Variants in AP1S3 observed in about 807,000 individuals in gnomAD.
AP1S3 encodes the protein AP-1 complex subunit sigma-3.
A neutral mutation model predicts 20.9 loss-of-function variants in AP1S3; 10 were observed. The ratio of observed to expected loss-of-function variants is 0.48; its 90% CI spans 0.29 to 0.81. The LOEUF (loss-of-function observed/expected upper bound fraction) is 0.81. AP1S3 is among the 30% of genes least tolerant of loss of function. The pLI, the probability that AP1S3 is intolerant of heterozygous loss-of-function variation, is 0.08. For synonymous variants in AP1S3, 41 were observed against 61.5 expected (o/e 0.67, Z 1.56); for missense variants, 154 against 183.8 (o/e 0.84, Z 0.94).
chr2:223,773,377 C>T (rs1485974385), intron 3 of AP1S3: 2 of 1,301,520 alleles, frequency 1.5e-6, no homozygotes, highest in Non-Finnish European at 2.0e-6. Context: ...AAGGAAAGTA[C>T]AAAAATGTGA....
chr2:223,788,550 G>A (rs1157316319), intron 1 of AP1S3, among the ~76,000 whole-genome samples: 1 of 147,058 alleles, frequency 6.8e-6, no homozygotes, highest in African/African-American at 2.5e-5. Context: ...TCAGGAGATC[G>A]AGACCATCCT....
At position 223,775,901 on chromosome 2, in the gene AP1S3, A is replaced by G; in HGVS notation, c.291T>C (p.Asn97=). 6.2e-7 allele frequency: 1 copy of G among 1,613,456 alleles called. No homozygotes were observed. The highest frequency in any genetic ancestry group is 8.5e-7 in the Non-Finnish European group (1 of 1,179,500). ...YVELLDKYFG[N]VCELDIIFNF... The stretch of plus-strand genomic sequence containing the variant: ...CCTAACCGACAAGGACAACACTTAC[A>G]TTTCCAAAATATTTGTCCAGCAGCT... Residue 97 remains asparagine, a splice_region_variant and synonymous_variant, in exon 3 of 5, where the codon AAT becomes AAC. Coordinates refer to ENST00000396654, the MANE Select transcript of AP1S3 (RefSeq NM_001039569.2).
chr2:223,798,820 C>T (rs1405364415), intron 1 of AP1S3, among the ~76,000 whole-genome samples: 1 of 152,306 alleles, frequency 6.6e-6, no homozygotes, highest in African/African-American at 2.4e-5. Context: ...GCCTATAATC[C>T]TAGCACTTTG....
intron 1 of AP1S3, among the ~76,000 whole-genome samples, chr2:223,779,217 G>A (rs1354810221): frequency 3.3e-5 from 5 of 152,196 alleles, no homozygotes; most frequent in Non-Finnish European, 5.9e-5. Context: ...TAAATAAGCA[G>A]AAGACATTAG....
chr2:223,772,627 G>A (rs940203280), intron 3 of AP1S3, among the ~76,000 whole-genome samples: 1 of 151,902 alleles, frequency 6.6e-6, no homozygotes, highest in Non-Finnish European at 1.5e-5. Context: ...GTTAATCCTC[G>A]TAAATCTCCT....
intron 1 of AP1S3, among the ~76,000 whole-genome samples, chr2:223,778,195 A>G (rs908294998): frequency 1.3e-5 from 2 of 151,074 alleles, no homozygotes; most frequent in African/African-American, 4.9e-5. Flanking sequence ...GCGCGGTCTC[A>G]GCTCACTGGG....
chr2:223,834,639 C>A (rs1035775551), intron 1 of AP1S3, among the ~76,000 whole-genome samples: 1 of 145,810 alleles, frequency 6.9e-6, no homozygotes, highest in African/African-American at 2.5e-5. Flanking sequence ...TGCCTACAGT[C>A]CCAGCTACTC....
At chr2:223,833,241 A>AATACATAC (rs56906676) in intron 1 of AP1S3, among the ~76,000 whole-genome samples, 13,990 of 148,458 alleles carry the variant, frequency 0.094, 1,053 homozygotes, top group African/African-American at 0.21. Context: ...TTAAAGGCAA[A>AATACATAC]ATACATACAT....
intron 3 of AP1S3, among the ~76,000 whole-genome samples, chr2:223,774,733 GGT>G (rs1690722780): frequency 6.6e-6 from 1 of 152,170 alleles, no homozygotes. Context: ...GGCAGATTCT[GGT>G]AAAGCATAGG....
chr2:223,779,868 G>A (rs657903), intron 1 of AP1S3, among the ~76,000 whole-genome samples: 71,229 of 151,796 alleles, frequency 0.47, 17,517 homozygotes, highest in Non-Finnish European at 0.55. Flanking sequence ...TCAGGAGGCT[G>A]AGGCAGGAGA....
intron 1 of AP1S3, among the ~76,000 whole-genome samples, chr2:223,778,839 C>G (rs1204559427): frequency 6.6e-6 from 1 of 152,002 alleles, no homozygotes; most frequent in Non-Finnish European, 1.5e-5. Flanking sequence ...TGAGATTACA[C>G]ATGCACGCCA....
chr2:223,765,314 C>T lies in AP1S3; in HGVS notation c.328G>A (p.Ala110Thr). The T allele has an allele frequency of 1.2e-6, 2 of 1,613,330 alleles. No homozygotes were observed. The highest frequency in any genetic ancestry group is 1.7e-6 in the Non-Finnish European group (2 of 1,179,892). The stretch of plus-strand genomic sequence containing the variant: ...ATAAACTCGTCCAGGATGAAATAAG[C>T]CTTTTCAAAATTAAAGATAATATCC... The part of the protein sequence containing the change: ...ELDIIFNFEK[A>T]YFILDEFIIG... Residue 110 changes from alanine to threonine, a missense_variant, in exon 4 of 5, where the codon GCT becomes ACT. Transcript: ENST00000396654.
intron 1 of AP1S3, among the ~76,000 whole-genome samples, chr2:223,834,377 G>A (rs1049048117): frequency 2.6e-5 from 4 of 152,112 alleles, no homozygotes; most frequent in African/African-American, 7.2e-5. Flanking sequence ...TATTACATGA[G>A]TTCAGGAGTT....
rs1053075374 is a variant in AP1S3 at position 223,832,532 on chromosome 2, C to G, written c.3+4916G>C. On this transcript the variant is annotated intron_variant, in intron 1 of 4. Transcript: ENST00000396654. ...ATTTCTCCCCTGATCCCAAAGCCCT[C>G]GATCTTACACTAACTGCTGGCCAGC... 2.6e-5 allele frequency among the ~76,000 whole-genome samples: 4 copies of G among 152,102 alleles called. No individual in the cohort carries two copies. The South Asian group carries it at 8.3e-4, about 32-fold the overall frequency.
chr2:223,806,405 T>A (rs1691584055), intron 1 of AP1S3, among the ~76,000 whole-genome samples: 1 of 148,124 alleles, frequency 6.8e-6, no homozygotes. Context: ...TGCCTCAACC[T>A]CTCGAGTAGG....
At chr2:223,835,567 A>C (rs1250660225) in intron 1 of AP1S3, among the ~76,000 whole-genome samples, 2 of 152,194 alleles carry the variant, frequency 1.3e-5, no homozygotes, top group African/African-American at 2.4e-5. Flanking sequence ...AGGCAGGAGA[A>C]TTGCTTGAAC....
rs1284520519 is a variant in AP1S3, at chr2:223,775,961, C to T, written c.231G>A (p.Glu77=). 1 of 1,614,152 alleles carries T rather than the reference C, an allele frequency of 6.2e-7. No individual in the cohort carries two copies. The highest frequency in any genetic ancestry group is 8.5e-7 in the Non-Finnish European group (1 of 1,180,014). ...FCCAIENQDN[E]LLTLEIVHRY... is the part of the protein sequence containing the mutation. ...GATGCACAATCTCTAGCGTCAAGAG[C>T]TCATTGTCCTGATTTTCTATTGCAC... The change falls in exon 3 of 5, where the codon GAG becomes GAA. Residue 77 remains glutamate, a synonymous_variant. Coordinates refer to ENST00000396654, the MANE Select transcript of AP1S3 (RefSeq NM_001039569.2).
intron 3 of AP1S3, among the ~76,000 whole-genome samples, chr2:223,769,736 A>ATTTTT (rs61207667): frequency 1.2e-4 from 10 of 80,122 alleles, no homozygotes; most frequent in Non-Finnish European, 2.0e-4. Context: ...ATGCAATCCC[A>ATTTTT]TTTTTTTTTT....
intron 1 of AP1S3, among the ~76,000 whole-genome samples, chr2:223,805,133 C>T (rs1178165053): frequency 2.6e-5 from 4 of 152,200 alleles, no homozygotes; most frequent in African/African-American, 9.6e-5. Context: ...GAAATAGTGA[C>T]CACTGCAGCT....
Sources: allele counts gnomAD v4.1 joint callset (sites outside exome capture counted in the v4.1 genomes callset), GRCh38; gene constraint gnomAD v4.1.1; transcripts MANE v1.5; gene names NCBI Gene and HGNC (gene_info 2026-07-23, HGNC 2026-07-21).